The following PSKH2 variants were observed in gnomAD, a reference collection of about 807,000 sequenced individuals.
PSKH2 encodes protein serine kinase H2.
PSKH2 carries 16 observed loss-of-function variants against 22.5 expected under a neutral mutation model. The observed-to-expected ratio is 0.71, with a 90% confidence interval of 0.48 to 1.08. The LOEUF (loss-of-function observed/expected upper bound fraction) is 1.08, where lower values mean the gene tolerates loss of function less well. Ranked by LOEUF, PSKH2 falls within the 50% of genes least tolerant of loss-of-function variation. The probability of loss-of-function intolerance (pLI) is 0.00; values close to 1 mark genes in which losing one functional copy is unlikely to be tolerated. For synonymous variants in PSKH2, 188 were observed against 184.8 expected (o/e 1.02, Z -0.14); for missense variants, 516 against 492.8 (o/e 1.05, Z -0.44).
intron 1 of PSKH2, chr8:86,066,540 G>C (rs1817861886): frequency 6.6e-6 from 1 of 152,126 alleles, no homozygotes; most frequent in Non-Finnish European, 1.5e-5. Flanking sequence ...AAGGATGACA[G>C]AGAATGGAAT....
At position 86,063,970 on chromosome 8, in the gene PSKH2, C is replaced by T. The variant is rs765833903; in HGVS notation, c.847G>A (p.Gly283Arg). 1 of 1,610,268 alleles carries T rather than the reference C, an allele frequency of 6.2e-7. No homozygotes were observed. The highest frequency in any genetic ancestry group is 1.1e-5 in the South Asian group (1 of 90,660). Residue 283 changes from glycine to arginine, a missense_variant, in exon 2 of 3, where the codon GGA becomes AGA. Transcript: ENST00000276616. The part of the protein sequence containing the change: ...KILKGKYNYT[G>R]EPWPSISHLA... ...ATAAAATAATGCTCTCTTACCTCTCCTGTATAATTATATTTGCCTTTCAGA... is the reference window on the plus strand; with the variant it reads ...ATAAAATAATGCTCTCTTACCTCTCTTGTATAATTATATTTGCCTTTCAGA...
At chr8:86,055,159 A>G (rs1817683751) in intron 2 of PSKH2, among the ~76,000 whole-genome samples, 2 of 152,210 alleles carry the variant, frequency 1.3e-5, no homozygotes, top group Non-Finnish European at 2.9e-5. Flanking sequence ...ATATAAACAT[A>G]GTATTAATAT....
chr8:86,059,842 G>C (rs1218167823), intron 2 of PSKH2, among the ~76,000 whole-genome samples: 1 of 152,118 alleles, frequency 6.6e-6, no homozygotes, highest in Non-Finnish European at 1.5e-5. Context: ...ATACTTCTTT[G>C]GCATATTTTG....
At chr8:86,056,067 T>A (rs754773884) in intron 2 of PSKH2, among the ~76,000 whole-genome samples, 34 of 151,888 alleles carry the variant, frequency 2.2e-4, no homozygotes, top group Admixed American at 3.9e-4. Context: ...GGTAGAAGGA[T>A]CACTTGAGAC....
At chr8:86,051,186 C>T (rs1817625215) in intron 2 of PSKH2, among the ~76,000 whole-genome samples, 1 of 152,066 alleles carries the variant, frequency 6.6e-6, no homozygotes, top group African/African-American at 2.4e-5. Flanking sequence ...GTGCCTCACT[C>T]TCCCATGCTG....
At position 86,049,804 on chromosome 8, in the gene PSKH2, GAA is replaced by G. The variant is rs572219352; in HGVS notation, c.853-1039_853-1038del. ...AAAAAGAAAGGAAGAAAGGAAGAGA[GAA>G]AGAGGAAGAAAGAAAGGAAGAAAGG... is the stretch of plus-strand genomic sequence containing the variant. On this transcript the variant is annotated intron_variant, in intron 2 of 2. Coordinates refer to ENST00000276616, the MANE Select transcript of PSKH2 (RefSeq NM_033126.3). 3.4e-3 allele frequency among the ~76,000 whole-genome samples: 511 copies of G among 149,532 alleles called. 8 individuals carry two copies. The highest frequency in any genetic ancestry group is 0.012 in the African/African-American group (486 of 40,452).
intron 1 of PSKH2, among the ~76,000 whole-genome samples, chr8:86,067,200 A>C (rs1809714205): frequency 6.6e-6 from 1 of 152,090 alleles, no homozygotes; most frequent in African/African-American, 2.4e-5. Context: ...GAAACAGTAC[A>C]CTTGAAGCCA....
Position 86,050,397 on chromosome 8 carries a change from G to A in PSKH2, c.853-1630C>T, listed in dbSNP as rs138140625. On this transcript the variant is annotated intron_variant, in intron 2 of 2. Transcript: ENST00000276616. ...AGTAGCCATAAAGTGCCATAGGTTG[G>A]ACACCATCACTCATACCCCACAGTT... is the stretch of plus-strand genomic sequence containing the variant. Among the ~76,000 whole-genome samples, 149 of 152,226 alleles carry A rather than the reference G, an allele frequency of 9.8e-4. 1 individual carries two copies. In the East Asian group the frequency reaches 0.015, roughly 16 times the overall value.
At chr8:86,064,662 C>T (rs1220419020) in intron 1 of PSKH2, 31 bp from the exon 2 acceptor site, 3 of 1,540,734 alleles carry the variant, frequency 1.9e-6, no homozygotes, top group Non-Finnish European at 8.8e-7. Flanking sequence ...ACATGTTATC[C>T]CCAGAAGTGA....
rs2130134628 is a variant in PSKH2, at chr8:86,048,189, T to A, written c.*273A>T. Among the ~76,000 whole-genome samples, 1 of 152,320 alleles carries A rather than the reference T, an allele frequency of 6.6e-6. No individual in the cohort carries two copies. On this transcript the variant is annotated 3_prime_UTR_variant, in exon 3 of 3. Transcript: ENST00000276616. ...TTCTATAGTATTGTATTTTATTTAA[T>A]CCATTACATACTTTAAAGATTTTCT... is the stretch of plus-strand genomic sequence containing the variant.
At chr8:86,063,267 C>T (rs964417493) in intron 2 of PSKH2, among the ~76,000 whole-genome samples, 2 of 152,124 alleles carry the variant, frequency 1.3e-5, no homozygotes, top group Admixed American at 1.3e-4. Flanking sequence ...CAATGTTTTT[C>T]TTCATGAGAA....
intron 2 of PSKH2, among the ~76,000 whole-genome samples, chr8:86,056,925 G>C (rs962940360): frequency 7.6e-6 from 1 of 130,980 alleles, no homozygotes; most frequent in Non-Finnish European, 1.6e-5. Context: ...TTTTTGGTTT[G>C]TTTGTTGTTG....
intron 1 of PSKH2, 125 bp downstream of exon 1, chr8:86,069,313 T>G: frequency 1.2e-6 from 1 of 806,606 alleles, no homozygotes; most frequent in East Asian, 2.9e-5. Context: ...GGGAGATCAG[T>G]GCCTATCATC....
intron 1 of PSKH2, among the ~76,000 whole-genome samples, chr8:86,064,951 C>G (rs967410426): frequency 1.3e-5 from 2 of 152,072 alleles, no homozygotes; most frequent in Non-Finnish European, 2.9e-5. Context: ...AATAATATCC[C>G]CCTTTTTCAA....
intron 2 of PSKH2, among the ~76,000 whole-genome samples, chr8:86,049,426 G>T (rs573836691): frequency 1.6e-4 from 24 of 152,076 alleles, no homozygotes; most frequent in African/African-American, 4.8e-4. Flanking sequence ...AGGCACAGTG[G>T]CACATGTCTG....
At position 86,064,601 on chromosome 8, in the gene PSKH2, G is replaced by A. The variant is rs1817832313; in HGVS notation, c.216C>T (p.Gly72=). The change falls in exon 2 of 3, where the codon GGC becomes GGT. Residue 72 remains glycine (G), a synonymous_variant. Coordinates refer to ENST00000276616, the MANE Select transcript of PSKH2 (RefSeq NM_033126.3). Reference sequence around the variant, plus strand: ...CTACCCTGACAACCCTGCTGAAACTGCCTGTCCCAATAAGAGCTTTGATGT... The same window carrying A: ...CTACCCTGACAACCCTGCTGAAACTACCTGTCCCAATAAGAGCTTTGATGT... The part of the protein sequence containing the change: ...RYDIKALIGT[G]SFSRVVRVEQ... 6.2e-7 allele frequency: 1 copy of A among 1,613,326 alleles called. No homozygotes were observed. The highest frequency in any genetic ancestry group is 8.5e-7 in the Non-Finnish European group (1 of 1,179,810).
At chr8:86,065,321 A>G (rs1209329571) in intron 1 of PSKH2, among the ~76,000 whole-genome samples, 2 of 152,150 alleles carry the variant, frequency 1.3e-5, no homozygotes, top group African/African-American at 2.4e-5. Flanking sequence ...GTTAATAAGG[A>G]AGAAGTAAAT....
At chr8:86,064,720 C>T (rs1174276724) in intron 1 of PSKH2, 89 bp from the exon 2 acceptor site, 11 of 990,718 alleles carry the variant, frequency 1.1e-5, no homozygotes, top group Non-Finnish European at 1.5e-5. Context: ...TCTTTTCTAT[C>T]CTTCTATTCC....
intron 2 of PSKH2, among the ~76,000 whole-genome samples, chr8:86,051,000 T>C (rs1384044982): frequency 6.6e-6 from 1 of 152,046 alleles, no homozygotes; most frequent in Non-Finnish European, 1.5e-5. Context: ...CCTGCCTCAG[T>C]TTCCCAAGTA....
Sources: gnomAD v4.1 joint callset for allele counts (sites outside exome capture counted in the v4.1 genomes callset) on GRCh38, gnomAD v4.1.1 for gene constraint, MANE v1.5 for transcripts, NCBI Gene and HGNC (gene_info 2026-07-23, HGNC 2026-07-21) for gene names.